The following DDX19B variants were observed in gnomAD, a reference collection of about 807,000 sequenced individuals.
DDX19B encodes the protein DEAD-box helicase 19B, also known as ATP-dependent RNA helicase DDX19B.
A neutral mutation model predicts 58.1 loss-of-function variants in DDX19B; 27 were observed. The observed-to-expected ratio is 0.46, with a 90% confidence interval of 0.34 to 0.64. DDX19B has a LOEUF of 0.64. DDX19B is among the 30% of genes least tolerant of loss of function. The pLI is 0.01. For synonymous variants in DDX19B, 187 were observed against 214.4 expected, an observed-to-expected ratio of 0.87 and a Z score of 1.12; for missense variants, 399 against 596.5, an observed-to-expected ratio of 0.67 and a Z score of 3.45.
At chr16:70,294,797 A>G, upstream of DDX19B, 1 of 1,392,998 alleles carries the variant, frequency 7.2e-7, no homozygotes. Context: ...CGGCTTGGCC[A>G]GTGCCAAGAG....
intron 5 of DDX19B, among the ~76,000 whole-genome samples, chr16:70,320,454 TCTGC>T (rs1962710750): frequency 6.8e-6 from 1 of 147,708 alleles, no homozygotes; most frequent in Middle Eastern, 3.5e-3. Context: ...CACTGCAACC[TCTGC>T]CTCCTGGGCG....
At position 70,299,286 on chromosome 16, in the gene DDX19B, G is replaced by A. The variant is rs372621895; in HGVS notation, c.-12G>A. The A allele has an allele frequency of 3.2e-6, 5 of 1,575,114 alleles. No individual in the cohort carries two copies. In the African/African-American group the frequency reaches 5.5e-5, roughly 17 times the overall value. ...ATCCACCAGCACGAGCGTCCCACCC[G>A]CGCCTGGGACCATGGCCACTGACTC... is the stretch of plus-strand genomic sequence containing the variant. On this transcript the variant is annotated 5_prime_UTR_variant, in exon 1 of 12. Coordinates refer to ENST00000288071, the MANE Select transcript of DDX19B (RefSeq NM_007242.7).
chr16:70,295,101 A>C, upstream of DDX19B: 1 of 1,262,604 alleles, frequency 7.9e-7, no homozygotes, highest in Admixed American at 3.9e-5. Context: ...GGAAACTGAG[A>C]CTGGCTAGGC....
intron 1 of DDX19B, among the ~76,000 whole-genome samples, 184 bp from the exon 2 acceptor site, chr16:70,312,425 C>T (rs143940697): frequency 7.2e-5 from 11 of 152,070 alleles, no homozygotes; most frequent in East Asian, 3.8e-4. Context: ...GATGTATTTA[C>T]GGGAAATTTT....
At chr16:70,314,052 T>TGA (rs1962233528) in intron 2 of DDX19B, among the ~76,000 whole-genome samples, 1 of 151,924 alleles carries the variant, frequency 6.6e-6, no homozygotes, top group Non-Finnish European at 1.5e-5. Flanking sequence ...GAGGTTGCAG[T>TGA]GAGCTGAGAT....
chr16:70,321,183 A>C (rs904422793), intron 5 of DDX19B, among the ~76,000 whole-genome samples: 3 of 150,866 alleles, frequency 2.0e-5, no homozygotes, highest in Non-Finnish European at 4.4e-5. Flanking sequence ...GCTGGTCTCG[A>C]ACTCCCAACC....
chr16:70,325,897 A>G (rs899373841), intron 7 of DDX19B, among the ~76,000 whole-genome samples: 5 of 152,220 alleles, frequency 3.3e-5, no homozygotes, highest in Admixed American at 2.6e-4. Context: ...CATGCACCTC[A>G]TGAGGACATT....
chr16:70,314,871 T>A (rs1375815471), intron 2 of DDX19B, 31 bp from the exon 3 acceptor site: 4 of 1,606,084 alleles, frequency 2.5e-6, no homozygotes, highest in African/African-American at 1.3e-5. Flanking sequence ...GGGATGCGAT[T>A]TTGAATGATG....
chr16:70,315,717 G>T, intron 3 of DDX19B: 1 of 399,024 alleles, frequency 2.5e-6, no homozygotes, highest in Non-Finnish European at 4.4e-6. Context: ...TGGATAGGAG[G>T]AATAGATAAC....
chr16:70,292,101 G>A (rs1163300903), upstream of DDX19B, among the ~76,000 whole-genome samples: 2 of 152,164 alleles, frequency 1.3e-5, no homozygotes, highest in African/African-American at 2.4e-5. Flanking sequence ...TCAGTGAGCT[G>A]AGATCTCGCG....
At chr16:70,296,491 G>A (rs1052457015), upstream of DDX19B, among the ~76,000 whole-genome samples, 5 of 151,996 alleles carry the variant, frequency 3.3e-5, no homozygotes, top group Admixed American at 6.6e-5. Context: ...GGGGGCTTTT[G>A]GGGTGGGGGT....
Position 70,311,826 on chromosome 16 carries a change from GCTTTT to G in DDX19B, c.58-762_58-758del, listed in dbSNP as rs545691530. On this transcript the variant is annotated intron_variant, in intron 1 of 11. Coordinates refer to ENST00000288071, the MANE Select transcript of DDX19B (RefSeq NM_007242.7). ...GTATGACTGATTCCTACCCACAGATGCTTTTCTTTTCTTTTCTTTTCTTTTTTTTT... is the reference window on the plus strand; with the variant it reads ...GTATGACTGATTCCTACCCACAGATGCTTTTCTTTTCTTTTCTTTTTTTTT... Among the ~76,000 whole-genome samples the G allele has an allele frequency of 8.4e-4, 127 of 151,854 alleles. 2 individuals carry two copies. Among genetic ancestry groups the G allele is most frequent in the South Asian group, 1.9e-3 (9 of 4,796 alleles).
chr16:70,301,578 T>C (rs1265406573), intron 1 of DDX19B, among the ~76,000 whole-genome samples: 1 of 152,206 alleles, frequency 6.6e-6, no homozygotes, highest in Non-Finnish European at 1.5e-5. Context: ...TGAAAAACTC[T>C]TGTTCTTCAG....
At position 70,310,914 on chromosome 16, in the gene DDX19B, C is replaced by A. The variant is rs559594036; in HGVS notation, c.58-1695C>A. Reference sequence around the variant, plus strand: ...GGGGTGGTAGCGGACGCCTGTAGTCCCAGCTACTCCGGAGGCTGAGGCAGG... The same window carrying A: ...GGGGTGGTAGCGGACGCCTGTAGTCACAGCTACTCCGGAGGCTGAGGCAGG... On this transcript the variant is annotated intron_variant, in intron 1 of 11. Coordinates refer to ENST00000288071, the MANE Select transcript of DDX19B (RefSeq NM_007242.7). 1.3e-4 allele frequency among the ~76,000 whole-genome samples: 20 copies of A among 150,800 alleles called. No individual in the cohort carries two copies. In the South Asian group the frequency reaches 3.4e-3, roughly 25 times the overall value.
At chr16:70,326,658 TC>T (rs1450670893) in intron 7 of DDX19B, among the ~76,000 whole-genome samples, 1 of 151,952 alleles carries the variant, frequency 6.6e-6, no homozygotes, top group Admixed American at 6.6e-5. Context: ...TGCCTCAGAC[TC>T]CCAAGTAGCT....
chr16:70,309,817 C>CAAAAAAAAA lies in DDX19B; in HGVS notation c.58-2779_58-2771dup, dbSNP rs61033553. Among the ~76,000 whole-genome samples the CAAAAAAAAA allele has an allele frequency of 8.5e-3, 358 of 41,920 alleles. 24 individuals carry two copies. The highest frequency in any genetic ancestry group is 0.025 in the African/African-American group (198 of 7,934). 27.5% of individuals were successfully genotyped at this position (41,920 alleles called of 152,430 possible). A position where few individuals can be genotyped will look rare whatever the true frequency, so the allele number is the denominator to read the frequency against. ...TGGGCGACAGGGCAAGACTCCGTCT[C>CAAAAAAAAA]AAAAAAAAAAAAAAAAAAAAAGAGA... On this transcript the variant is annotated intron_variant, in intron 1 of 11. Coordinates refer to ENST00000288071, the MANE Select transcript of DDX19B (RefSeq NM_007242.7).
At chr16:70,302,500 A>G (rs1961539762) in intron 1 of DDX19B, among the ~76,000 whole-genome samples, 1 of 152,144 alleles carries the variant, frequency 6.6e-6, no homozygotes, top group African/African-American at 2.4e-5. Context: ...ATAATATATA[A>G]CCTTTTGAAA....
chr16:70,332,894 T>C, intron 10 of DDX19B, 74 bp from the exon 11 acceptor site: 1 of 1,613,176 alleles, frequency 6.2e-7, no homozygotes, highest in Non-Finnish European at 8.5e-7. Flanking sequence ...TCATGCTCCA[T>C]TGTATGGATG....
At chr16:70,323,010 C>G (rs7187719) in intron 5 of DDX19B, among the ~76,000 whole-genome samples, 5,327 of 149,764 alleles carry the variant, frequency 0.036, 327 homozygotes, top group African/African-American at 0.12. Context: ...CATGTTTCTT[C>G]TGTTTGTTTG....
Sources: gnomAD v4.1 joint callset for allele counts (sites outside exome capture counted in the v4.1 genomes callset) on GRCh38, gnomAD v4.1.1 for gene constraint, MANE v1.5 for transcripts, NCBI Gene and HGNC (gene_info 2026-07-23, HGNC 2026-07-21) for gene names.